The following RIPOR2 variants were observed in gnomAD, a reference collection of about 807,000 sequenced individuals.
The protein encoded by RIPOR2 is RHO family interacting cell polarization regulator 2.
A neutral mutation model predicts 114.5 loss-of-function variants in RIPOR2; 39 were observed. That is an observed-to-expected ratio of 0.34 (90% confidence interval 0.26 to 0.44). RIPOR2 has a LOEUF of 0.44. RIPOR2 is among the 20% of genes least tolerant of loss of function. The pLI is 1.00. For synonymous variants in RIPOR2, 445 were observed against 484.4 expected, an observed-to-expected ratio of 0.92 and a Z score of 1.07; for missense variants, 1,007 against 1,255.1, an observed-to-expected ratio of 0.80 and a Z score of 2.99.
intron 13 of RIPOR2, chr6:24,840,755 A>G (rs1453670862): frequency 6.5e-7 from 1 of 1,535,554 alleles, no homozygotes; most frequent in Admixed American, 2.0e-5. Context: ...TTAGTTTCTG[A>G]TCGTCAAGGT....
At position 25,028,412 on chromosome 6, in the gene RIPOR2, G is replaced by C. The variant is rs76243943; in HGVS notation, c.76+13439C>G. ...AGTTCCAGCAGTGAAAACCCGCTCT[G>C]GACTTGTACACATGTGTCTGAATGT... On this transcript the variant is annotated intron_variant, in intron 1 of 13. Coordinates refer to the RIPOR2 transcript ENST00000510784. Among the ~76,000 whole-genome samples the C allele has an allele frequency of 4.0e-3, 609 of 152,302 alleles. 9 individuals carry two copies. Among genetic ancestry groups the C allele is most frequent in the African/African-American group, 0.013 (521 of 41,566 alleles).
chr6:24,849,162 C>T (rs1170060020), intron 11 of RIPOR2, among the ~76,000 whole-genome samples: 1 of 152,172 alleles, frequency 6.6e-6, no homozygotes, highest in African/African-American at 2.4e-5. Context: ...GCCTTGGCCT[C>T]CCAAAGTGCT....
upstream of RIPOR2, among the ~76,000 whole-genome samples, chr6:24,937,955 G>A (rs78540982): frequency 0.022 from 3,362 of 152,124 alleles, 122 homozygotes; most frequent in African/African-American, 0.076. Flanking sequence ...TGGTTACCAC[G>A]TGAACCTGAG....
At chr6:24,969,940 G>A (rs1000724780) in intron 1 of RIPOR2, among the ~76,000 whole-genome samples, 1 of 152,162 alleles carries the variant, frequency 6.6e-6, no homozygotes, top group Non-Finnish European at 1.5e-5. Context: ...TCTCCCCAGT[G>A]CCTAGAACTG....
At chr6:25,022,531 C>CTTTTTTTTTT (rs1561848668) in intron 1 of RIPOR2, among the ~76,000 whole-genome samples, 1 of 64,512 alleles carries the variant, frequency 1.6e-5, no homozygotes, top group Non-Finnish European at 3.4e-5. Context: ...TGGTACCTTC[C>CTTTTTTTTTT]ATTTTTTTTT....
intron 1 of RIPOR2, among the ~76,000 whole-genome samples, chr6:24,951,371 A>G (rs574317226): frequency 1.4e-4 from 21 of 152,306 alleles, no homozygotes; most frequent in Non-Finnish European, 2.2e-4. Context: ...TAAATTAATC[A>G]GCTCATTCAT....
chr6:25,017,672 G>A (rs116983963), intron 1 of RIPOR2, among the ~76,000 whole-genome samples: 3 of 152,256 alleles, frequency 2.0e-5, no homozygotes, highest in East Asian at 1.9e-4. Flanking sequence ...AGTGGTAAAC[G>A]CCCAGAGGGC....
At chr6:24,868,402 G>A (rs1313029461) in intron 6 of RIPOR2, among the ~76,000 whole-genome samples, 1 of 152,166 alleles carries the variant, frequency 6.6e-6, no homozygotes, top group Non-Finnish European at 1.5e-5. Flanking sequence ...GATAGATATA[G>A]ACAAACAGGA....
chr6:24,887,359 C>T (rs1338587727), intron 1 of RIPOR2, among the ~76,000 whole-genome samples: 1 of 152,150 alleles, frequency 6.6e-6, no homozygotes, highest in African/African-American at 2.4e-5. Flanking sequence ...TCACCCAAGT[C>T]ACCTGCTCTC....
chr6:24,926,963 TACC>T lies in RIPOR2; in HGVS notation c.61+8872_61+8874del, dbSNP rs112559389. ...ATGATTATTATAATCATCATCTCAC[TACC>T]ACCACCACCACCACCACCACCACAA... On this transcript the variant is annotated intron_variant, in intron 1 of 21. Transcript: ENST00000643898. Among the ~76,000 whole-genome samples the T allele has an allele frequency of 3.7e-3, 385 of 105,042 alleles. 4 individuals carry two copies. Among genetic ancestry groups the T allele is most frequent in the African/African-American group, 0.015 (298 of 19,890 alleles). 68.9% of individuals were successfully genotyped at this position (105,042 alleles called of 152,430 possible).
intron 21 of RIPOR2, among the ~76,000 whole-genome samples, chr6:24,808,765 T>TC (rs1780938648): frequency 6.9e-5 from 1 of 14,564 alleles, no homozygotes; most frequent in African/African-American, 8.6e-5. Flanking sequence ...CTTTTTTCTT[T>TC]TTTTTTTTTT....
At chr6:24,966,863 T>A (rs1773550950) in intron 1 of RIPOR2, among the ~76,000 whole-genome samples, 1 of 152,232 alleles carries the variant, frequency 6.6e-6, no homozygotes, top group Admixed American at 6.5e-5. Context: ...CGAAGAGGAT[T>A]AAAAGGCAGA....
intron 1 of RIPOR2, among the ~76,000 whole-genome samples, chr6:25,005,748 C>CACACATA (rs1775537953): frequency 1.5e-5 from 1 of 68,390 alleles, no homozygotes; most frequent in Non-Finnish European, 3.5e-5. Flanking sequence ...TATACATTTA[C>CACACATA]CGATCAAAAG....
At chr6:24,896,372 G>A (rs1164216210) in intron 1 of RIPOR2, among the ~76,000 whole-genome samples, 1 of 152,182 alleles carries the variant, frequency 6.6e-6, no homozygotes, top group Non-Finnish European at 1.5e-5. Flanking sequence ...TTGTTACAGC[G>A]ATGAGGATAT....
chr6:24,849,171 C>G (rs967231041), intron 11 of RIPOR2, among the ~76,000 whole-genome samples: 2 of 152,198 alleles, frequency 1.3e-5, no homozygotes, highest in African/African-American at 2.4e-5. Flanking sequence ...TCCCAAAGTG[C>G]TGGGATTACA....
chr6:24,848,964 G>T (rs945211354), intron 11 of RIPOR2, among the ~76,000 whole-genome samples: 1 of 152,204 alleles, frequency 6.6e-6, no homozygotes, highest in Non-Finnish European at 1.5e-5. Flanking sequence ...GAGTGCAATG[G>T]CACGATCTCA....
chr6:24,820,428 GT>G, intron 19 of RIPOR2, among the ~76,000 whole-genome samples: 2 of 152,260 alleles, frequency 1.3e-5, no homozygotes, highest in Middle Eastern at 6.8e-3. Context: ...TAATTCAATG[GT>G]TTTTAGTATA....
intron 16 of RIPOR2, among the ~76,000 whole-genome samples, chr6:24,831,767 G>C (rs1323508579): frequency 3.9e-5 from 6 of 152,274 alleles, no homozygotes; most frequent in South Asian, 4.1e-4. Context: ...AAATTCAAAG[G>C]CATCTTTCCC....
At chr6:24,976,427 C>T in intron 1 of RIPOR2, 2 of 1,554,010 alleles carry the variant, frequency 1.3e-6, no homozygotes, top group South Asian at 2.2e-5. Flanking sequence ...CCATGGTCAA[C>T]CCCACCATGT....
Sources: allele counts gnomAD v4.1 joint callset (sites outside exome capture counted in the v4.1 genomes callset), GRCh38; gene constraint gnomAD v4.1.1; transcripts MANE v1.5; gene names NCBI Gene and HGNC (gene_info 2026-07-23, HGNC 2026-07-21).